Variants in ANK1 observed in about 807,000 individuals in gnomAD.
The protein encoded by ANK1 is ankyrin-1.
A neutral mutation model predicts 210.4 loss-of-function variants in ANK1; 51 were observed. The ratio of observed to expected loss-of-function variants is 0.24; its 90% CI spans 0.19 to 0.31. The LOEUF (loss-of-function observed/expected upper bound fraction) is 0.31. Ranked by LOEUF, ANK1 falls within the 10% of genes least tolerant of loss-of-function variation. The pLI is 1.00. For missense variants in ANK1, 2,051 were observed against 2,504.4 expected (o/e 0.82, Z 3.86); for synonymous variants, 967 against 1,025.9 (o/e 0.94, Z 1.10).
intron 16 of ANK1, among the ~76,000 whole-genome samples, chr8:41,710,738 G>A (rs768337968): frequency 7.2e-5 from 11 of 152,220 alleles, no homozygotes; most frequent in Non-Finnish European, 1.5e-4. Flanking sequence ...TCTGGCTGAG[G>A]ACTGAGTTCT....
rs535170610 is a variant in ANK1 at position 41,895,604 on chromosome 8, G to A, written c.126+751C>T. Among the ~76,000 whole-genome samples the A allele has an allele frequency of 2.6e-5, 4 of 152,278 alleles. No individual in the cohort carries two copies. The South Asian group carries it at 8.3e-4, about 32-fold the overall frequency. ...TACCCGGGATGTCTGCCCATGGGCA[G>A]AGCTGGTCTCTGACCAGGCCTTTGG... On this transcript the variant is annotated intron_variant, in intron 1 of 42. Coordinates refer to the ANK1 transcript ENST00000265709.
Position 41,807,535 on chromosome 8 carries a change from C to T in ANK1, c.127-49398G>A, listed in dbSNP as rs191136094. On this transcript the variant is annotated intron_variant, in intron 1 of 42. Coordinates refer to the ANK1 transcript ENST00000265709. ...TCACACCTTGTATCTGTAAGCAGGA[C>T]TATCCCTAGGAGTTGACAGGAAATG... Among the ~76,000 whole-genome samples the T allele has an allele frequency of 1.3e-4, 20 of 152,218 alleles. 1 individual carries two copies. The highest frequency in any genetic ancestry group is 4.3e-4 in the African/African-American group (18 of 41,536).
intron 1 of ANK1, among the ~76,000 whole-genome samples, chr8:41,782,160 AG>A (rs1232380091): frequency 1.3e-5 from 2 of 152,190 alleles, no homozygotes; most frequent in Non-Finnish European, 2.9e-5. Context: ...CCCTTTAGCA[AG>A]GGTTCCTGCT....
intron 1 of ANK1, among the ~76,000 whole-genome samples, chr8:41,814,250 C>A (rs959425532): frequency 6.6e-6 from 1 of 151,922 alleles, no homozygotes; most frequent in African/African-American, 2.4e-5. Flanking sequence ...GTCCCAGCTA[C>A]TCAGGAGGCT....
intron 18 of ANK1, among the ~76,000 whole-genome samples, chr8:41,705,495 A>G (rs1455847673): frequency 1.3e-5 from 2 of 151,444 alleles, no homozygotes; most frequent in Non-Finnish European, 2.9e-5. Context: ...TTTCTGTGCT[A>G]CTCTGGAGGG....
intron 1 of ANK1, among the ~76,000 whole-genome samples, chr8:41,841,374 G>A (rs979660641): frequency 6.6e-6 from 1 of 152,152 alleles, no homozygotes; most frequent in Non-Finnish European, 1.5e-5. Flanking sequence ...GGTTGCCAGG[G>A]GCTGAGTGAG....
At chr8:41,834,050 G>A (rs1807165804) in intron 1 of ANK1, among the ~76,000 whole-genome samples, 1 of 152,194 alleles carries the variant, frequency 6.6e-6, no homozygotes, top group Non-Finnish European at 1.5e-5. Context: ...GACATCAGAG[G>A]GTGAGAGGGC....
chr8:41,758,490 G>A (rs1346208819), intron 1 of ANK1, among the ~76,000 whole-genome samples: 1 of 151,990 alleles, frequency 6.6e-6, no homozygotes, highest in Non-Finnish European at 1.5e-5. Flanking sequence ...GTACCACCAA[G>A]CCCAACTATT....
chr8:41,789,596 C>T (rs77815774), intron 1 of ANK1, among the ~76,000 whole-genome samples: 7,834 of 152,300 alleles, frequency 0.051, 637 homozygotes, highest in African/African-American at 0.17. Context: ...TCACCTGCAC[C>T]AGGCAATCTG....
upstream of ANK1, chr8:41,797,696 C>A (rs1032325934): frequency 2.6e-6 from 3 of 1,173,834 alleles, no homozygotes; most frequent in South Asian, 2.0e-5. The surrounding 1 kb of genome is among the most constrained non-coding windows in gnomAD (Gnocchi z 4.0). Context: ...TCGGGCCGGG[C>A]GCTCCCGGCA....
intron 40 of ANK1, among the ~76,000 whole-genome samples, chr8:41,663,114 C>CTCTCTGTGTGTGTGTG (rs1554517870): frequency 1.3e-4 from 19 of 145,236 alleles, no homozygotes; most frequent in African/African-American, 1.0e-4. Context: ...CTCTCTCTCT[C>CTCTCTGTGTGTGTGTG]TGTGTGTGTG....
At chr8:41,865,618 T>C (rs898496587) in intron 1 of ANK1, among the ~76,000 whole-genome samples, 8 of 152,076 alleles carry the variant, frequency 5.3e-5, no homozygotes, top group Non-Finnish European at 1.0e-4. Context: ...TCCCCTCCTC[T>C]GATTCTCTCC....
chr8:41,839,899 A>C (rs1312125791), intron 1 of ANK1, among the ~76,000 whole-genome samples: 1 of 152,216 alleles, frequency 6.6e-6, no homozygotes, highest in Non-Finnish European at 1.5e-5. Context: ...CTGTATCAAC[A>C]CTGGTTCATT....
At chr8:41,674,323 ACT>A (rs1248826023) in intron 37 of ANK1, among the ~76,000 whole-genome samples, 7 of 151,480 alleles carry the variant, frequency 4.6e-5, no homozygotes, top group Non-Finnish European at 1.0e-4. Context: ...ACACTCACAC[ACT>A]CTCTCTCACC....
intron 16 of ANK1, among the ~76,000 whole-genome samples, chr8:41,712,091 A>C (rs1013848579): frequency 6.6e-6 from 1 of 151,886 alleles, no homozygotes; most frequent in Non-Finnish European, 1.5e-5. Context: ...TGCCCGGCTA[A>C]TTTTTGTATT....
intron 1 of ANK1, among the ~76,000 whole-genome samples, chr8:41,802,995 GAGAAAGAA>G (rs58986564): frequency 0.026 from 1,510 of 57,406 alleles, 64 homozygotes; most frequent in African/African-American, 0.072. Flanking sequence ...GAGAGAAAGA[GAGAAAGAA>G]AGAAAGAAAG....
chr8:41,698,331 C>A (rs1187824119), intron 23 of ANK1, among the ~76,000 whole-genome samples: 1 of 152,226 alleles, frequency 6.6e-6, no homozygotes, highest in Non-Finnish European at 1.5e-5. Context: ...CCTTTAGAAC[C>A]TGTTGACAGA....
Position 41,692,821 on chromosome 8 carries a change from G to C in ANK1, c.3685C>G (p.Leu1229Val). 6.2e-7 allele frequency: 1 copy of C among 1,614,162 alleles called. No homozygotes were observed. Among genetic ancestry groups the C allele is most frequent in the Non-Finnish European group, 8.5e-7 (1 of 1,180,042 alleles). Residue 1229 changes from leucine to valine, a missense_variant, in exon 31 of 43, where the codon CTG (leucine) becomes GTG (valine). Physicochemically the swap from Leu to Val is conservative, Grantham distance 32. Transcript: ENST00000289734. ...GGCACTGCAGTGAGCTCTTTGTACA[G>C]CAGGGTGGCAAAGTTCACAGCCTCA... ...TAEAVNFATL[L>V]YKELTAVPYM...
chr8:41,877,367 C>T (rs1347169686), intron 1 of ANK1, among the ~76,000 whole-genome samples: 1 of 152,250 alleles, frequency 6.6e-6, no homozygotes, highest in African/African-American at 2.4e-5. Context: ...GTTGGAGATG[C>T]AGACAACAGC....
Sources: gnomAD v4.1 joint callset for allele counts (sites outside exome capture counted in the v4.1 genomes callset) on GRCh38, gnomAD v4.1.1 for gene constraint, Gnocchi (gnomAD v3.1) non-coding constraint, MANE v1.5 for transcripts, NCBI Gene and HGNC (gene_info 2026-07-23, HGNC 2026-07-21) for gene names.